Variants in PPP6R1 observed in about 807,000 individuals in gnomAD.
PPP6R1 encodes protein phosphatase 6 regulatory subunit 1.
A neutral mutation model predicts 104.6 loss-of-function variants in PPP6R1; 39 were observed. The observed-to-expected ratio is 0.37, with a 90% confidence interval of 0.29 to 0.49. The LOEUF is 0.49. Among genes scored for constraint, PPP6R1 ranks in the 20% least tolerant of loss-of-function variants. PPP6R1 has a pLI of 0.98. For missense variants in PPP6R1, 1,181 were observed against 1,155.8 expected, an observed-to-expected ratio of 1.02 and a Z score of -0.32; for synonymous variants, 549 against 479.0, an observed-to-expected ratio of 1.15 and a Z score of -1.91.
chr19:55,231,013 T>TC, intron 21 of PPP6R1, 129 bp from the exon 22 acceptor site: 1 of 780,638 alleles, frequency 1.3e-6, no homozygotes, highest in Non-Finnish European at 2.1e-6. Context: ...GGGAGGGGCC[T>TC]CCCGAGGACG....
chr19:55,245,612 A>G lies in PPP6R1; in HGVS notation c.294T>C (p.Ala98=), dbSNP rs3745920. The change falls in exon 3 of 24, where the codon GCT becomes GCC. Residue 98 remains alanine, a synonymous_variant. Transcript: ENST00000412770. This position sits in a 1 kb window ranked among gnomAD's most constrained non-coding sequence, Gnocchi z 6.4. ...AGAGCCGGTTCAGAAGGGACTCATC[A>G]GCACCCAGGGCATCATTGATCTGGG... ...DVPQINDALG[A]DESLLNRLYG... 508,714 of 1,611,366 alleles carry G rather than the reference A, an allele frequency of 0.32. 84,420 individuals are homozygous for G. The highest frequency in any genetic ancestry group is 0.34 in the South Asian group (31,344 of 90,912).
downstream of PPP6R1, chr19:55,228,649 C>A: frequency 6.3e-7 from 1 of 1,594,844 alleles, no homozygotes; most frequent in Non-Finnish European, 8.6e-7. Flanking sequence ...GGTTCCAGGG[C>A]CCTGTCCCCC....
At chr19:55,253,776 C>T (rs79612526) in intron 1 of PPP6R1, among the ~76,000 whole-genome samples, 3,803 of 152,282 alleles carry the variant, frequency 0.025, 172 homozygotes, top group African/African-American at 0.087. Context: ...CCTCTCAGTC[C>T]CCTCTCCCAA....
Position 55,244,420 on chromosome 19 carries a change from G to T in PPP6R1, c.618+700C>A, listed in dbSNP as rs115428012. On this transcript the variant is annotated intron_variant, in intron 5 of 23. Transcript: ENST00000412770. ...GAGCTAAAGGGGAGGATGTGAGGGC[G>T]CTTGAAAGCAAGGCTGCTGGACGGA... 7.9e-4 allele frequency among the ~76,000 whole-genome samples: 121 copies of T among 152,348 alleles called. 1 individual carries two copies. Among genetic ancestry groups the T allele is most frequent in the African/African-American group, 2.7e-3 (114 of 41,582 alleles).
intron 1 of PPP6R1, among the ~76,000 whole-genome samples, chr19:55,253,390 C>T (rs541587608): frequency 1.3e-5 from 2 of 152,226 alleles, no homozygotes; most frequent in South Asian, 4.1e-4. Flanking sequence ...GCATGGCCCT[C>T]GGCCCCCAAA....
At position 55,231,473 on chromosome 19, in the gene PPP6R1, A is replaced by G. The variant is rs2087345665; in HGVS notation, c.2396T>C (p.Val799Ala). 1 of 1,608,428 alleles carries G rather than the reference A, an allele frequency of 6.2e-7. No individual in the cohort carries two copies. Among genetic ancestry groups the G allele is most frequent in the African/African-American group, 1.3e-5 (1 of 74,764 alleles). Residue 799 changes from valine to alanine, a missense_variant, in exon 21 of 24, where the codon GTT (valine) becomes GCT (alanine). Around this residue, in one of 2 missense-constraint regions of PPP6R1, gnomAD observed 1,042 missense variants for 955.6 expected, o/e 1.09. Coordinates refer to ENST00000412770, the MANE Select transcript of PPP6R1 (RefSeq NM_014931.4). ...GGTGGCCTGAAGGTCCCCGATGCTA[A>G]CCAAGGCCTGGCAAGGGGCTGTGGG... Reference protein sequence around the residue: ...TEPSAPCQALVSIGDLQATFH... With the variant: ...TEPSAPCQALASIGDLQATFH...
Position 55,230,670 on chromosome 19 carries a change from G to C in PPP6R1, c.2585C>G (p.Thr862Arg). ...AGAGCCATTGGGTATCGGAGGAGGC[G>C]TGAGGGCCTGGGCACTGTCAGGGGA... ...LPQSQSAQAL[T>R]PPPIPNGSAP... Residue 862 changes from threonine (T) to arginine (R), a missense_variant, in exon 23 of 24, where the codon ACG becomes AGG. Around this residue, in one of 2 missense-constraint regions of PPP6R1, gnomAD observed 1,042 missense variants for 955.6 expected, o/e 1.09. Coordinates refer to ENST00000412770, the MANE Select transcript of PPP6R1 (RefSeq NM_014931.4). 1.2e-6 allele frequency: 2 copies of C among 1,601,298 alleles called. No individual in the cohort carries two copies. The highest frequency in any genetic ancestry group is 1.7e-6 in the Non-Finnish European group (2 of 1,174,432).
chr19:55,245,793 C>T lies in PPP6R1; in HGVS notation c.228-115G>A. ...CTGGGTTTCTGGGAACTGCAGAGAC[C>T]CCTGTCCAGGAAGGGGAAAGGGCAG... On this transcript the variant is annotated intron_variant, in intron 2 of 23. Coordinates refer to ENST00000412770, the MANE Select transcript of PPP6R1 (RefSeq NM_014931.4). The surrounding 1 kb of genome is among the most constrained non-coding windows in gnomAD (Gnocchi z 6.4). The T allele has an allele frequency of 1.1e-6, 1 of 871,156 alleles. No homozygotes were observed. Among genetic ancestry groups the T allele is most frequent in the South Asian group, 1.6e-5 (1 of 60,698 alleles). The allele number at this position is 871,156 out of a possible 1,614,324, so 54.0% of individuals were successfully genotyped here.
chr19:55,230,951 C>T (rs1178198382), intron 21 of PPP6R1, 67 bp from the exon 22 acceptor site: 3 of 1,340,768 alleles, frequency 2.2e-6, no homozygotes, highest in Non-Finnish European at 3.1e-6. Flanking sequence ...ACCCTCACAT[C>T]CCACCCGACT....
intron 15 of PPP6R1, among the ~76,000 whole-genome samples, chr19:55,237,489 C>T (rs555821297): frequency 6.6e-4 from 101 of 152,324 alleles, no homozygotes; most frequent in Non-Finnish European, 1.1e-3. Context: ...CTGTGCCTGC[C>T]AGGGCCCCAC....
chr19:55,231,861 G>A lies in PPP6R1; in HGVS notation c.2247C>T (p.Pro749=). ...PPAPQGPLSV[P]QGLPTQSLAS... is the part of the protein sequence containing the mutation. ...CCAGGCTCTGAGTGGGGAGGCCCTG[G>A]GGCACACTGAGGGGCCCCTGTGGGG... Residue 749 remains proline, a synonymous_variant, in exon 19 of 24, where the codon CCC becomes CCT. Coordinates refer to ENST00000412770, the MANE Select transcript of PPP6R1 (RefSeq NM_014931.4). The A allele has an allele frequency of 6.6e-7, 1 of 1,505,056 alleles. No individual in the cohort carries two copies. Among genetic ancestry groups the A allele is most frequent in the Non-Finnish European group, 8.9e-7 (1 of 1,127,386 alleles). The allele number at this position is 1,505,056 out of a possible 1,614,324, so 93.2% of individuals were successfully genotyped here.
At position 55,245,679 on chromosome 19, in the gene PPP6R1, C is replaced by T. The variant is rs1376969622; in HGVS notation, c.228-1G>A. Reference sequence around the variant, plus strand: ...AATCTCGCAGGCCACACTGGGGTACCTGGGAGGCAAGCACAGGCGGGTGGG... The same window carrying T: ...AATCTCGCAGGCCACACTGGGGTACTTGGGAGGCAAGCACAGGCGGGTGGG... On this transcript the variant is annotated splice_acceptor_variant, in intron 2 of 23. Coordinates refer to ENST00000412770, the MANE Select transcript of PPP6R1 (RefSeq NM_014931.4). LOFTEE classifies it high-confidence loss of function. The surrounding 1 kb of genome is among the most constrained non-coding windows in gnomAD (Gnocchi z 6.4). 1 of 1,586,624 alleles carries T rather than the reference C, an allele frequency of 6.3e-7. No homozygotes were observed.
rs765368914 is a variant in PPP6R1, at chr19:55,245,352, C to T, written c.465G>A (p.Gln155=). 7 of 1,612,722 alleles carry T rather than the reference C, an allele frequency of 4.3e-6. No homozygotes were observed. Among genetic ancestry groups the T allele is most frequent in the Non-Finnish European group, 5.1e-6 (6 of 1,179,500 alleles). ...KKDDFVDLLL[Q]HIGTSAIMDL... ...CCATGATGGCCGAGGTGCCAATGTG[C>T]TGCAGCAGCAGGTCCACGAAGTCAT... Residue 155 remains glutamine, a synonymous_variant, in exon 4 of 24, where the codon CAG becomes CAA. Coordinates refer to ENST00000412770, the MANE Select transcript of PPP6R1 (RefSeq NM_014931.4). This position sits in a 1 kb window ranked among gnomAD's most constrained non-coding sequence, Gnocchi z 6.4.
intron 15 of PPP6R1, chr19:55,238,930 GAA>G (rs906122437): frequency 6.1e-6 from 1 of 163,014 alleles, no homozygotes; most frequent in Non-Finnish European, 1.3e-5. Context: ...TTGGTAATTG[GAA>G]AAAAAAAGTT....
chr19:55,240,548 C>CACACACATGCATGCACTAACGG (rs2087444357), intron 10 of PPP6R1, among the ~76,000 whole-genome samples: 1 of 151,624 alleles, frequency 6.6e-6, no homozygotes, highest in Non-Finnish European at 1.5e-5. Flanking sequence ...CACACACACA[C>CACACACATGCATGCACTAACGG]ACACACACAT....
Position 55,259,004 on chromosome 19 carries a change from A to C in PPP6R1, c.-576T>G, listed in dbSNP as rs2087619270. The C allele has an allele frequency of 6.6e-6, 1 of 151,824 alleles. No homozygotes were observed. Among genetic ancestry groups the C allele is most frequent in the Non-Finnish European group, 1.5e-5 (1 of 67,934 alleles). 9.4% of individuals were successfully genotyped at this position (151,824 alleles called of 1,614,324 possible). A position where few individuals can be genotyped will look rare whatever the true frequency, so the allele number is the denominator to read the frequency against. On this transcript the variant is annotated 5_prime_UTR_variant, in exon 1 of 24. Transcript: ENST00000412770. ...CCTCCGACGCCCGGCTCCCTCCGCC[A>C]CTATCCCACAATCCCCCTAGCGCAG...
chr19:55,231,972 C>G lies in PPP6R1; in HGVS notation c.2136G>C (p.Trp712Cys). The G allele has an allele frequency of 6.3e-7, 1 of 1,598,738 alleles. No individual in the cohort carries two copies. The highest frequency in any genetic ancestry group is 1.1e-5 in the South Asian group (1 of 89,826). Residue 712 changes from tryptophan to cysteine, a missense_variant, in exon 19 of 24, where the codon TGG becomes TGC. Trp to Cys is a radical substitution (Grantham distance 215). Around this residue, in one of 2 missense-constraint regions of PPP6R1, gnomAD observed 1,042 missense variants for 955.6 expected, o/e 1.09. Coordinates refer to ENST00000412770, the MANE Select transcript of PPP6R1 (RefSeq NM_014931.4). ...TAGGCACTGGGTCAAAGGTGGCTGT[C>G]CAGCTGGGGCCTGGGATAGAGGTGG... Reference protein sequence around the residue: ...SPGPQPPGPSWTATFDPVPTD... With the variant: ...SPGPQPPGPSCTATFDPVPTD...
At chr19:55,236,559 G>A in intron 17 of PPP6R1, 84 bp downstream of exon 17, 1 of 1,377,246 alleles carries the variant, frequency 7.3e-7, no homozygotes, top group Non-Finnish European at 9.6e-7. Flanking sequence ...ATTCACTTCA[G>A]CCTCAGTCCA....
intron 1 of PPP6R1, among the ~76,000 whole-genome samples, chr19:55,250,879 C>T (rs1600116606): frequency 6.6e-6 from 1 of 152,282 alleles, no homozygotes; most frequent in East Asian, 1.9e-4. Context: ...CTCCCCACAG[C>T]CATGCAGAGC....
Sources: gnomAD v4.1 joint callset for allele counts (sites outside exome capture counted in the v4.1 genomes callset) on GRCh38, gnomAD v4.1.1 for gene constraint, gnomAD v4.1.1 regional missense constraint, Gnocchi (gnomAD v3.1) non-coding constraint, MANE v1.5 for transcripts, NCBI Gene and HGNC (gene_info 2026-07-23, HGNC 2026-07-21) for gene names.